The following KCNB2 variants were observed in gnomAD, a reference collection of about 807,000 sequenced individuals.
The protein encoded by KCNB2 is delayed rectifier potassium channel protein.
Under a neutral mutation model 61.5 loss-of-function variants are expected in KCNB2, and 15 were observed. The observed-to-expected ratio is 0.24, with a 90% CI of 0.16 to 0.38. The LOEUF is 0.38. Among genes scored for constraint, KCNB2 ranks in the 10% least tolerant of loss-of-function variants. KCNB2 has a pLI of 1.00. For synonymous variants in KCNB2, 457 were observed against 446.0 expected, an observed-to-expected ratio of 1.02 and a Z score of -0.31; for missense variants, 828 against 1,125.2, an observed-to-expected ratio of 0.74 and a Z score of 3.78.
rs1277870040 is a variant in KCNB2, at chr8:72,937,353, G to A, written c.1998G>A (p.Thr666=). ...REKGPAARDG[T]LEYAPVDITV... ...AAGGACCTGCTGCCAGGGATGGCAC[G>A]CTGGAGTATGCCCCAGTTGACATAA... The change falls in exon 3 of 3, where the codon ACG becomes ACA. Residue 666 remains threonine (T), a synonymous_variant. Transcript: ENST00000523207. 1.9e-6 allele frequency: 3 copies of A among 1,614,038 alleles called. No individual in the cohort carries two copies. Among genetic ancestry groups the A allele is most frequent in the African/African-American group, 1.3e-5 (1 of 75,020 alleles).
chr8:72,933,855 G>A (rs1372335845), intron 2 of KCNB2, among the ~76,000 whole-genome samples: 1 of 152,098 alleles, frequency 6.6e-6, no homozygotes, highest in Non-Finnish European at 1.5e-5. Flanking sequence ...TTTCTATTGT[G>A]ATACACTGAT....
intron 2 of KCNB2, among the ~76,000 whole-genome samples, chr8:72,589,489 G>A (rs1482775887): frequency 6.6e-6 from 1 of 152,202 alleles, no homozygotes; most frequent in African/African-American, 2.4e-5. Flanking sequence ...GTGTGTGTAG[G>A]GGGATTGTCT....
intron 2 of KCNB2, among the ~76,000 whole-genome samples, chr8:72,853,148 T>A (rs1415669587): frequency 1.3e-5 from 2 of 152,212 alleles, no homozygotes; most frequent in Admixed American, 1.3e-4. Context: ...CTCCTCCCAA[T>A]CCCCTTTACC....
intron 2 of KCNB2, among the ~76,000 whole-genome samples, chr8:72,649,003 A>G (rs941732090): frequency 2.0e-5 from 3 of 152,116 alleles, no homozygotes; most frequent in African/African-American, 4.8e-5. Context: ...TACTTTTCTC[A>G]TCTTTACAGA....
At chr8:72,554,323 G>C (rs1806388186) in intron 1 of KCNB2, among the ~76,000 whole-genome samples, 1 of 151,982 alleles carries the variant, frequency 6.6e-6, no homozygotes, top group African/African-American at 2.4e-5. Flanking sequence ...GAGGAATAAT[G>C]GATCTAAATC....
At chr8:72,669,927 G>T (rs536035270) in intron 2 of KCNB2, among the ~76,000 whole-genome samples, 28 of 152,304 alleles carry the variant, frequency 1.8e-4, no homozygotes, top group Non-Finnish European at 2.4e-4. Context: ...ACATGAATGT[G>T]CCTAAGAGCT....
intron 2 of KCNB2, among the ~76,000 whole-genome samples, chr8:72,848,759 AATTC>A (rs535044392): frequency 4.8e-3 from 727 of 152,228 alleles, no homozygotes; most frequent in Middle Eastern, 0.014. Context: ...TTCATTGATT[AATTC>A]ATTCATCCAT....
intron 2 of KCNB2, among the ~76,000 whole-genome samples, chr8:72,642,252 A>G (rs1480983794): frequency 3.3e-5 from 5 of 152,186 alleles, no homozygotes; most frequent in Admixed American, 1.3e-4. Flanking sequence ...ATAATTTTAT[A>G]TGGATTGTAT....
chr8:72,801,944 A>G (rs901022492), intron 2 of KCNB2, among the ~76,000 whole-genome samples: 3 of 152,244 alleles, frequency 2.0e-5, no homozygotes, highest in African/African-American at 7.2e-5. Flanking sequence ...CTAAGAAGGG[A>G]AAAACTTAAC....
chr8:72,900,075 T>G (rs1210158057), intron 2 of KCNB2, among the ~76,000 whole-genome samples: 1 of 152,078 alleles, frequency 6.6e-6, no homozygotes, highest in East Asian at 1.9e-4. Context: ...GCCAGAGGCA[T>G]CATGCTACCT....
intron 2 of KCNB2, among the ~76,000 whole-genome samples, chr8:72,908,165 G>T (rs893378018): frequency 3.9e-5 from 6 of 152,028 alleles, no homozygotes; most frequent in African/African-American, 1.4e-4. Flanking sequence ...ATGCACTGGA[G>T]AGATCTTTGA....
chr8:72,680,966 G>A (rs968184269), intron 2 of KCNB2, among the ~76,000 whole-genome samples: 3 of 152,162 alleles, frequency 2.0e-5, no homozygotes, highest in African/African-American at 7.2e-5. Context: ...GCTCACAATT[G>A]TATGCCCTCT....
chr8:72,551,506 G>A (rs1251536748), intron 1 of KCNB2, among the ~76,000 whole-genome samples: 1 of 152,052 alleles, frequency 6.6e-6, no homozygotes, highest in Non-Finnish European at 1.5e-5. Flanking sequence ...GAAGTGCCCT[G>A]GGCTTTCTTG....
chr8:72,866,220 A>G (rs1437395464), intron 2 of KCNB2, among the ~76,000 whole-genome samples: 3 of 152,296 alleles, frequency 2.0e-5, no homozygotes, highest in African/African-American at 4.8e-5. Flanking sequence ...ACACACTCGC[A>G]TTGCTCTTCC....
At chr8:72,597,001 CTTTTTTTTTTTTTTTTTTTTTTTTTT>C (rs869160203) in intron 2 of KCNB2, among the ~76,000 whole-genome samples, 12 of 64,658 alleles carry the variant, frequency 1.9e-4, no homozygotes, top group East Asian at 6.3e-4. Context: ...TGCTTGCTTG[CTTTTTTTTTTTTTTTTTTTTTTTTTT>C]TTTTTTTTTT....
intron 2 of KCNB2, among the ~76,000 whole-genome samples, chr8:72,578,601 T>G (rs1364098613): frequency 6.6e-6 from 1 of 152,206 alleles, no homozygotes; most frequent in African/African-American, 2.4e-5. Flanking sequence ...TATAAATATT[T>G]TAAATTACAT....
chr8:72,601,820 A>G (rs1266248332), intron 2 of KCNB2, among the ~76,000 whole-genome samples: 1 of 152,220 alleles, frequency 6.6e-6, no homozygotes, highest in Non-Finnish European at 1.5e-5. Flanking sequence ...AAAACAATCC[A>G]TTGACAATAT....
intron 2 of KCNB2, among the ~76,000 whole-genome samples, chr8:72,819,999 T>C (rs1809466970): frequency 6.6e-6 from 1 of 152,096 alleles, no homozygotes; most frequent in Non-Finnish European, 1.5e-5. Flanking sequence ...TTACACATGG[T>C]CTGTGTGCTT....
intron 2 of KCNB2, among the ~76,000 whole-genome samples, chr8:72,621,015 T>C (rs980659970): frequency 1.6e-4 from 25 of 152,336 alleles, no homozygotes; most frequent in Non-Finnish European, 2.8e-4. Flanking sequence ...TTTGTTTTTC[T>C]GTGAAACCTA....
Sources: allele counts gnomAD v4.1 joint callset (sites outside exome capture counted in the v4.1 genomes callset), GRCh38; gene constraint gnomAD v4.1.1; transcripts MANE v1.5; gene names NCBI Gene and HGNC (gene_info 2026-07-23, HGNC 2026-07-21).